LHFPL3: variants seen among roughly 807,000 people sequenced by gnomAD.
LHFPL3 encodes LHFPL tetraspan subfamily member 3 protein.
In LHFPL3, 5 loss-of-function variants were observed where a neutral mutation model predicts 19.3. The ratio of observed to expected loss-of-function variants is 0.26; its 90% CI spans 0.14 to 0.54. The LOEUF is 0.54. Ranked by LOEUF, LHFPL3 falls within the 20% of genes least tolerant of loss-of-function variation. The pLI is 0.94. For synonymous variants in LHFPL3, 133 were observed against 126.2 expected (o/e 1.05, Z -0.36); for missense variants, 249 against 307.4 (o/e 0.81, Z 1.42).
intron 2 of LHFPL3, chr7:104,768,598 G>A (rs1794499824): frequency 6.6e-6 from 1 of 152,138 alleles, no homozygotes. Flanking sequence ...TAGCCAGCTG[G>A]TTGTATTATT....
chr7:104,333,931 G>A (rs150329249), intron 1 of LHFPL3, among the ~76,000 whole-genome samples: 99 of 152,308 alleles, frequency 6.5e-4, no homozygotes, highest in African/African-American at 2.2e-3. Context: ...TGACACTTAC[G>A]GACTGTGTGA....
intron 1 of LHFPL3, among the ~76,000 whole-genome samples, chr7:104,392,664 C>T (rs1215761462): frequency 6.6e-6 from 1 of 152,150 alleles, no homozygotes; most frequent in African/African-American, 2.4e-5. Context: ...TGTTGTGTCT[C>T]TGCCAGGCTT....
intron 1 of LHFPL3, among the ~76,000 whole-genome samples, chr7:104,371,041 T>G (rs1584273219): frequency 6.6e-6 from 1 of 152,294 alleles, no homozygotes; most frequent in South Asian, 2.1e-4. Context: ...CCAACATATA[T>G]TGTAATAAAT....
At chr7:104,874,234 G>A (rs771221328) in intron 2 of LHFPL3, among the ~76,000 whole-genome samples, 2 of 152,176 alleles carry the variant, frequency 1.3e-5, no homozygotes, top group Non-Finnish European at 2.9e-5. Flanking sequence ...TAACTGCACT[G>A]AAGAGCATTT....
chr7:104,363,092 G>A lies in LHFPL3; in HGVS notation c.445+33868G>A, dbSNP rs180672730. On this transcript the variant is annotated intron_variant, in intron 1 of 2. Transcript: ENST00000424859. The stretch of plus-strand genomic sequence containing the variant: ...AATCTTATAGCTAACTTGTTGGTTT[G>A]ACAAGGGCAGTCTTCTCCTCAAGGG... Among the ~76,000 whole-genome samples the A allele has an allele frequency of 1.6e-4, 24 of 152,360 alleles. No homozygotes were observed. The East Asian group carries it at 3.9e-3, about 24-fold the overall frequency.
intron 1 of LHFPL3, among the ~76,000 whole-genome samples, chr7:104,499,759 C>A (rs186784792): frequency 6.6e-6 from 1 of 152,080 alleles, no homozygotes; most frequent in Non-Finnish European, 1.5e-5. Context: ...TATTTTGAAG[C>A]AAGTTAATAA....
chr7:104,463,977 C>T (rs1034002323), intron 1 of LHFPL3, among the ~76,000 whole-genome samples: 4 of 152,196 alleles, frequency 2.6e-5, no homozygotes, highest in Non-Finnish European at 5.9e-5. Context: ...TCCAAAGTCT[C>T]ACCTGAGACA....
At chr7:104,791,464 T>A (rs969907556) in intron 2 of LHFPL3, among the ~76,000 whole-genome samples, 2 of 152,206 alleles carry the variant, frequency 1.3e-5, no homozygotes, top group Admixed American at 1.3e-4. Flanking sequence ...ACAGACTTCT[T>A]GATATTTTTA....
At chr7:104,810,791 T>A (rs1013724354) in intron 2 of LHFPL3, among the ~76,000 whole-genome samples, 1 of 152,240 alleles carries the variant, frequency 6.6e-6, no homozygotes, top group African/African-American at 2.4e-5. Flanking sequence ...CAAGTGAAGA[T>A]TTCAAGTAGG....
chr7:104,845,075 G>A (rs556866770), intron 2 of LHFPL3, among the ~76,000 whole-genome samples: 2 of 152,256 alleles, frequency 1.3e-5, no homozygotes, highest in South Asian at 2.1e-4. Context: ...CATTCCATCC[G>A]CACCAAAACA....
chr7:104,783,034 GC>G (rs551243423), intron 2 of LHFPL3, among the ~76,000 whole-genome samples: 80 of 152,306 alleles, frequency 5.3e-4, no homozygotes, highest in African/African-American at 1.8e-3. Context: ...AATCACTTGT[GC>G]AATCCCAGAA....
intron 1 of LHFPL3, among the ~76,000 whole-genome samples, chr7:104,338,434 A>C (rs6979350): frequency 0.39 from 58,670 of 151,854 alleles, 11,705 homozygotes; most frequent in Middle Eastern, 0.53. Flanking sequence ...TACATACTTA[A>C]ACACATACGT....
At chr7:104,784,195 A>G (rs1223363781) in intron 2 of LHFPL3, among the ~76,000 whole-genome samples, 1 of 152,176 alleles carries the variant, frequency 6.6e-6, no homozygotes, top group Non-Finnish European at 1.5e-5. Context: ...TTTACAAAAT[A>G]CTCTCCAAAT....
intron 1 of LHFPL3, among the ~76,000 whole-genome samples, chr7:104,342,035 C>G (rs1276606884): frequency 1.3e-5 from 2 of 152,242 alleles, no homozygotes; most frequent in Non-Finnish European, 2.9e-5. Context: ...TCTCTATAAT[C>G]TATCTGACCT....
chr7:104,668,784 C>T (rs979598197), intron 1 of LHFPL3: 54 of 1,578,666 alleles, frequency 3.4e-5, no homozygotes, highest in Non-Finnish European at 4.6e-5. Context: ...GATGATTCCT[C>T]TGCTAGTAAC....
chr7:104,431,200 T>G (rs1791997026), intron 1 of LHFPL3, among the ~76,000 whole-genome samples: 1 of 152,208 alleles, frequency 6.6e-6, no homozygotes, highest in Non-Finnish European at 1.5e-5. Context: ...CCATCTACTT[T>G]AGCCCCTACT....
At chr7:104,735,067 G>A (rs913496302) in intron 1 of LHFPL3, among the ~76,000 whole-genome samples, 8 of 152,188 alleles carry the variant, frequency 5.3e-5, no homozygotes, top group African/African-American at 1.2e-4. Context: ...CTGTCTGATC[G>A]TTCCTCTGGA....
At chr7:104,354,434 C>T (rs1790235387) in intron 1 of LHFPL3, among the ~76,000 whole-genome samples, 1 of 152,174 alleles carries the variant, frequency 6.6e-6, no homozygotes, top group South Asian at 2.1e-4. Flanking sequence ...TAACTTGGAC[C>T]ACTTTGGGCC....
chr7:104,500,631 T>C (rs1013091548), intron 1 of LHFPL3, among the ~76,000 whole-genome samples: 3 of 152,182 alleles, frequency 2.0e-5, no homozygotes, highest in Non-Finnish European at 4.4e-5. Flanking sequence ...TGGACCATTA[T>C]AATATTGCTT....
Sources: allele counts gnomAD v4.1 joint callset (sites outside exome capture counted in the v4.1 genomes callset), GRCh38; gene constraint gnomAD v4.1.1; transcripts MANE v1.5; gene names NCBI Gene and HGNC (gene_info 2026-07-23, HGNC 2026-07-21).